The following SLC5A4 variants were observed in gnomAD, a reference collection of about 807,000 sequenced individuals.
The protein encoded by SLC5A4 is solute carrier family 5 member 4, also known as probable glucose sensor protein SLC5A4.
A neutral mutation model predicts 70.3 loss-of-function variants in SLC5A4; 55 were observed. That is an observed-to-expected ratio of 0.78 (90% confidence interval 0.63 to 0.98). SLC5A4 has a LOEUF of 0.98. SLC5A4 is among the 50% of genes least tolerant of loss of function. SLC5A4 has a pLI of 0.00. For missense variants in SLC5A4, 735 were observed against 839.2 expected (o/e 0.88, Z 1.53); for synonymous variants, 268 against 305.7 (o/e 0.88, Z 1.29).
the SLC5A4 span, among the ~76,000 whole-genome samples, chr22:32,315,475 G>A: frequency 6.6e-6 from 1 of 152,224 alleles, no homozygotes; most frequent in South Asian, 2.1e-4. Flanking sequence ...GAGACAAGAA[G>A]AGGGAAAGTA....
chr22:32,284,034 T>TC, the SLC5A4 span, among the ~76,000 whole-genome samples: 34,296 of 151,888 alleles, frequency 0.23, 4,308 homozygotes, highest in East Asian at 0.43. Flanking sequence ...AACACAATGA[T>TC]CCCCCCTCAA....
chr22:32,230,964 C>T lies in SLC5A4; in HGVS notation c.1129+4G>A. 1 of 1,603,690 alleles carries T rather than the reference C, an allele frequency of 6.2e-7. No homozygotes were observed. Among genetic ancestry groups the T allele is most frequent in the South Asian group, 1.1e-5 (1 of 90,824 alleles). ...GGGCTGTCCCAGCAGGGACATTTTC[C>T]TACCTTGGGGCATCAGTTCCAGCAC... On this transcript the variant is annotated splice_donor_region_variant and intron_variant, in intron 10 of 14. Coordinates refer to ENST00000266086, the MANE Select transcript of SLC5A4 (RefSeq NM_014227.3).
chr22:32,328,245 G>C, the SLC5A4 span, among the ~76,000 whole-genome samples: 1 of 152,134 alleles, frequency 6.6e-6, no homozygotes, highest in Non-Finnish European at 1.5e-5. Flanking sequence ...ATTGAGGCCT[G>C]TGGTATGCAG....
the SLC5A4 span, among the ~76,000 whole-genome samples, chr22:32,340,705 G>A: frequency 1.2e-4 from 18 of 152,214 alleles, no homozygotes; most frequent in East Asian, 5.8e-4. Flanking sequence ...GAACAGCAGC[G>A]GGGCTGGTGC....
intron 4 of SLC5A4, 55 bp downstream of exon 4, chr22:32,248,688 C>T: frequency 8.7e-7 from 1 of 1,151,298 alleles, no homozygotes. Flanking sequence ...ATCTTCTGTG[C>T]AGTGAGCAGC....
chr22:32,337,186 T>TGGGA, the SLC5A4 span, among the ~76,000 whole-genome samples: 1 of 152,234 alleles, frequency 6.6e-6, no homozygotes, highest in Admixed American at 6.5e-5. Context: ...CCTCTTGTCC[T>TGGGA]GGCTATCATC....
the SLC5A4 span, among the ~76,000 whole-genome samples, chr22:32,306,476 A>AC: frequency 7.0e-6 from 1 of 142,892 alleles, no homozygotes; most frequent in Admixed American, 7.0e-5. Context: ...AAAAAAAAAA[A>AC]ACAAAAACTA....
chr22:32,284,314 T>A, the SLC5A4 span, among the ~76,000 whole-genome samples: 1 of 152,238 alleles, frequency 6.6e-6, no homozygotes, highest in Non-Finnish European at 1.5e-5. Context: ...GTTGTTCAGG[T>A]TATCTATTGC....
the SLC5A4 span, among the ~76,000 whole-genome samples, chr22:32,302,964 C>T: frequency 1.3e-5 from 2 of 152,266 alleles, no homozygotes; most frequent in East Asian, 3.9e-4. Flanking sequence ...TATGTCACAT[C>T]TCTTCATTTA....
the SLC5A4 span, chr22:32,272,491 A>C: frequency 2.4e-5 from 17 of 722,068 alleles, no homozygotes; most frequent in South Asian, 2.6e-4. Flanking sequence ...CATGAAGAGC[A>C]TCTGGCTGCT....
At chr22:32,294,414 T>G in the SLC5A4 span, among the ~76,000 whole-genome samples, 1 of 152,180 alleles carries the variant, frequency 6.6e-6, no homozygotes, top group African/African-American at 2.4e-5. Flanking sequence ...ATTCTTTTAC[T>G]TGGTTTCCTT....
chr22:32,254,173 A>G lies in SLC5A4; in HGVS notation c.176T>C (p.Phe59Ser). The change falls in exon 2 of 15, where the codon TTC becomes TCC. Residue 59 changes from phenylalanine (F) to serine (S), a missense_variant. Phe to Ser is a radical substitution (Grantham distance 155). Coordinates refer to ENST00000266086, the MANE Select transcript of SLC5A4 (RefSeq NM_014227.3). ...KTNRGTIGGF[F>S]LAGRDMAWWP... is the part of the protein sequence containing the mutation. ...CCAGGCCATATCACGACCAGCGAGGAAGAAGCCTCCTATAGTACCTCGGTT... is the reference window on the plus strand; with the variant it reads ...CCAGGCCATATCACGACCAGCGAGGGAGAAGCCTCCTATAGTACCTCGGTT... 1 of 1,614,068 alleles carries G rather than the reference A, an allele frequency of 6.2e-7. No homozygotes were observed.
intron 11 of SLC5A4, among the ~76,000 whole-genome samples, chr22:32,226,526 C>A (rs1410549313): frequency 1.3e-5 from 2 of 152,176 alleles, no homozygotes; most frequent in Non-Finnish European, 2.9e-5. Flanking sequence ...AAGGAACAAG[C>A]ATTTGGGCAG....
the SLC5A4 span, among the ~76,000 whole-genome samples, chr22:32,312,024 G>T: frequency 6.6e-6 from 1 of 152,092 alleles, no homozygotes; most frequent in South Asian, 2.1e-4. Context: ...TCTGCAGGGG[G>T]TTAATCATAC....
chr22:32,221,104 T>C, intron 13 of SLC5A4, 82 bp from the exon 14 acceptor site: 1 of 929,212 alleles, frequency 1.1e-6, no homozygotes, highest in Non-Finnish European at 1.7e-6. Flanking sequence ...TTGTTTATCG[T>C]CTGGTGTTTT....
intron 11 of SLC5A4, among the ~76,000 whole-genome samples, chr22:32,226,947 G>A (rs1925437097): frequency 6.6e-6 from 1 of 151,974 alleles, no homozygotes; most frequent in South Asian, 2.1e-4. Flanking sequence ...GAGCACCATG[G>A]GGCTCACTCC....
intron 13 of SLC5A4, among the ~76,000 whole-genome samples, chr22:32,223,564 C>T (rs1925210563): frequency 6.6e-6 from 1 of 152,166 alleles, no homozygotes; most frequent in Admixed American, 6.5e-5. Context: ...TTCCCCCCAT[C>T]TCTGTGCCAG....
At chr22:32,331,034 A>G in the SLC5A4 span, among the ~76,000 whole-genome samples, 812 of 7,688 alleles carry the variant, frequency 0.11, no homozygotes, top group African/African-American at 0.13. Flanking sequence ...TGTGTGTTGG[A>G]GGCTCTGGTG....
In SLC5A4 at chr22:32,225,674, C is replaced by T. The variant is rs1233423527; in HGVS notation, c.1430G>A (p.Cys477Tyr). ...ACTCACCTGTTCATTGACTCTTTTA[C>T]AGAAGATGGCAAGCACAAAGACAGC... ...IAAVFVLAIF[C>Y]KRVNEQGAFW... The change falls in exon 12 of 15, where the codon TGT becomes TAT. Residue 477 changes from cysteine to tyrosine, a missense_variant. Physicochemically the swap from Cys to Tyr is radical, Grantham distance 194. Coordinates refer to ENST00000266086, the MANE Select transcript of SLC5A4 (RefSeq NM_014227.3). 2 of 1,611,088 alleles carry T rather than the reference C, an allele frequency of 1.2e-6. No homozygotes were observed. The highest frequency in any genetic ancestry group is 1.7e-6 in the Non-Finnish European group (2 of 1,178,850).
Sources: allele counts gnomAD v4.1 joint callset (sites outside exome capture counted in the v4.1 genomes callset), GRCh38; gene constraint gnomAD v4.1.1; transcripts MANE v1.5; gene names NCBI Gene and HGNC (gene_info 2026-07-23, HGNC 2026-07-21).